The following JAK3 variants were observed in gnomAD, a reference collection of about 807,000 sequenced individuals.
The protein encoded by JAK3 is tyrosine-protein kinase JAK3.
In JAK3, 88 loss-of-function variants were observed where a neutral mutation model predicts 120.8. That is an observed-to-expected ratio of 0.73 (90% CI 0.61 to 0.87). The LOEUF is 0.87. JAK3 is among the 40% of genes least tolerant of loss of function. JAK3 has a pLI of 0.00. For synonymous variants in JAK3, 592 were observed against 628.6 expected, an observed-to-expected ratio of 0.94 and a Z score of 0.87; for missense variants, 1,254 against 1,501.4, an observed-to-expected ratio of 0.84 and a Z score of 2.72.
chr19:17,843,215 T>C lies in JAK3; in HGVS notation c.421-43A>G. ...GGAGCATCAGCTGAGGCCACCCAAC[T>C]TCAAGCCCTGTTGTTAACCTGCAGA... On this transcript the variant is annotated intron_variant, in intron 4 of 23. Transcript: ENST00000458235. The surrounding 1 kb of genome is among the most constrained non-coding windows in gnomAD (Gnocchi z 5.4). The C allele has an allele frequency of 6.3e-7, 1 of 1,583,514 alleles. No homozygotes were observed. The highest frequency in any genetic ancestry group is 8.6e-7 in the Non-Finnish European group (1 of 1,166,728).
At position 17,834,928 on chromosome 19, in the gene JAK3, T is replaced by A. The variant is rs1391553011; in HGVS notation, c.2123A>T (p.Lys708Met). 1 of 1,614,040 alleles carries A rather than the reference T, an allele frequency of 6.2e-7. No individual in the cohort carries two copies. Residue 708 changes from lysine (K) to methionine (M), a missense_variant, in exon 16 of 24, where the codon AAG (lysine) becomes ATG (methionine). Physicochemically the swap from Lys to Met is moderately conservative, Grantham distance 95. Transcript: ENST00000458235. Reference protein sequence around the residue: ...EAQTLSLEADKWGFGATVWEV... With the variant: ...EAQTLSLEADMWGFGATVWEV... ...CCAGACCGTGGCGCCGAAGCCCCAC[T>A]TGTCAGCTTCCAAGCTAAGTGTCTG...
In JAK3 at chr19:17,826,904, C is replaced by G. The variant is rs752088869; in HGVS notation, c.3214G>C (p.Glu1072Gln). The G allele has an allele frequency of 1.2e-6, 2 of 1,609,648 alleles. No individual in the cohort carries two copies. The highest frequency in any genetic ancestry group is 2.2e-5 in the East Asian group (1 of 44,866). The part of the protein sequence containing the change: ...APPACPAEVH[E>Q]LMKLCWAPSP... The stretch of plus-strand genomic sequence containing the variant: ...GGGGCCCAGCACAGCTTCATGAGCT[C>G]GTGAACCTGAGGGGCGGGGGACAGA... Residue 1072 changes from glutamate to glutamine, a missense_variant, in exon 24 of 24, where the codon GAG (glutamate) becomes CAG (glutamine). Physicochemically the swap from Glu to Gln is conservative, Grantham distance 29. Around this residue, in one of 3 missense-constraint regions of JAK3, gnomAD observed 630 missense variants for 819.8 expected, o/e 0.77. Transcript: ENST00000458235.
At chr19:17,847,888 G>A (rs2147705723) in intron 1 of JAK3, 58 bp downstream of exon 1, 1 of 342,794 alleles carries the variant, frequency 2.9e-6, no homozygotes, top group Non-Finnish European at 4.2e-6. Context: ...GCCATCCCCC[G>A]CCACCACCAT....
intron 23 of JAK3, 111 bp from the exon 24 acceptor site, chr19:17,827,021 C>T (rs2094205187): frequency 1.6e-6 from 2 of 1,259,400 alleles, no homozygotes; most frequent in South Asian, 1.4e-5. Flanking sequence ...GCTCTGTTGT[C>T]CAGGCTGGAG....
In JAK3 at chr19:17,842,112, G is replaced by A. The variant is rs1332381810; in HGVS notation, c.861+204C>T. On this transcript the variant is annotated intron_variant, in intron 6 of 23. Coordinates refer to ENST00000458235, the MANE Select transcript of JAK3 (RefSeq NM_000215.4). The surrounding 1 kb of genome is among the most constrained non-coding windows in gnomAD (Gnocchi z 6.4). Reference sequence around the variant, plus strand: ...CTCAACCCCTCCCATTTTCATTCCCGGGTCGCTCAGCCCAACCCTTCACTC... The same window carrying A: ...CTCAACCCCTCCCATTTTCATTCCCAGGTCGCTCAGCCCAACCCTTCACTC... Among the ~76,000 whole-genome samples the A allele has an allele frequency of 7.7e-6, 1 of 129,906 alleles. No individual in the cohort carries two copies. The highest frequency in any genetic ancestry group is 2.9e-5 in the African/African-American group (1 of 33,946). The allele number at this position is 129,906 out of a possible 152,430, so 85.2% of individuals were successfully genotyped here.
At position 17,826,664 on chromosome 19, in the gene JAK3, G is replaced by A. The variant is rs1053796730; in HGVS notation, c.*79C>T. On this transcript the variant is annotated 3_prime_UTR_variant, in exon 24 of 24. Coordinates refer to ENST00000458235, the MANE Select transcript of JAK3 (RefSeq NM_000215.4). ...AGAGGACCCTCATAAGGCCTCTGAG[G>A]CCCAGAGAGGGGCAGCTCCGGGCCT... The A allele has an allele frequency of 1.3e-6, 2 of 1,518,262 alleles. No individual in the cohort carries two copies. Among genetic ancestry groups the A allele is most frequent in the Non-Finnish European group, 1.8e-6 (2 of 1,093,152 alleles). The allele number at this position is 1,518,262 out of a possible 1,614,324, so 94.0% of individuals were successfully genotyped here.
Position 17,832,922 on chromosome 19 carries a change from C to T in JAK3, c.2358G>A (p.Glu786=), listed in dbSNP as rs1057518544. The change falls in exon 18 of 24, where the codon GAG becomes GAA. Residue 786 remains glutamate (E), a synonymous_variant. Coordinates refer to ENST00000458235, the MANE Select transcript of JAK3 (RefSeq NM_000215.4). The surrounding 1 kb of genome is among the most constrained non-coding windows in gnomAD (Gnocchi z 4.7). ...CACCAGGTGTGGGGTCTGAGAGGAG[C>T]TCATAGTCTGGGGTGGGGGCATGGG... ...DLNSLISSDY[E]LLSDPTPGAL... 5.0e-6 allele frequency: 8 copies of T among 1,613,554 alleles called. No homozygotes were observed. The highest frequency in any genetic ancestry group is 5.9e-6 in the Non-Finnish European group (7 of 1,179,822).
chr19:17,829,429 G>A (rs2094209728), intron 23 of JAK3, among the ~76,000 whole-genome samples: 1 of 152,024 alleles, frequency 6.6e-6, no homozygotes, highest in South Asian at 2.1e-4. Context: ...AAAGTGCTGG[G>A]TTTACAGGTG....
chr19:17,843,400 G>C lies in JAK3; in HGVS notation c.400C>G (p.Leu134Val). ...LASAILDLPV[L>V]EHLFAQHRSD... ...CCCACCTGGGCAAAGAGGTGCTCCA[G>C]GACTGGCAGGTCAAGGATAGCACTG... Residue 134 changes from leucine (L) to valine (V), a missense_variant, in exon 4 of 24, where the codon CTG becomes GTG. Around this residue, in one of 3 missense-constraint regions of JAK3, gnomAD observed 138 missense variants for 178.7 expected, o/e 0.77. Transcript: ENST00000458235. The surrounding 1 kb of genome is among the most constrained non-coding windows in gnomAD (Gnocchi z 5.4). 6.3e-7 allele frequency: 1 copy of C among 1,594,838 alleles called. No individual in the cohort carries two copies. The highest frequency in any genetic ancestry group is 8.5e-7 in the Non-Finnish European group (1 of 1,171,132).
chr19:17,826,742 G>T lies in JAK3; in HGVS notation c.*1C>A. 1 of 1,614,022 alleles carries T rather than the reference G, an allele frequency of 6.2e-7. No individual in the cohort carries two copies. Among genetic ancestry groups the T allele is most frequent in the Non-Finnish European group, 8.5e-7 (1 of 1,179,900 alleles). On this transcript the variant is annotated 3_prime_UTR_variant, in exon 24 of 24. Coordinates refer to ENST00000458235, the MANE Select transcript of JAK3 (RefSeq NM_000215.4). Reference sequence around the variant, plus strand: ...CTAATCCAGAGGTCTGCGGGCAGGAGCTATGAAAAGGACAGGGAGTGGTGT... The same window carrying T: ...CTAATCCAGAGGTCTGCGGGCAGGATCTATGAAAAGGACAGGGAGTGGTGT...
At chr19:17,830,735 C>A in intron 21 of JAK3, 115 bp from the exon 22 acceptor site, 1 of 801,022 alleles carries the variant, frequency 1.2e-6, no homozygotes, top group African/African-American at 1.7e-5. Context: ...AGGTCAGTCC[C>A]GTCTCCAGGG....
At position 17,842,105 on chromosome 19, in the gene JAK3, C is replaced by G. The variant is rs2094240808; in HGVS notation, c.861+211G>C. 6.8e-6 allele frequency among the ~76,000 whole-genome samples: 1 copy of G among 147,584 alleles called. No individual in the cohort carries two copies. The highest frequency in any genetic ancestry group is 1.5e-5 in the Non-Finnish European group (1 of 66,994). On this transcript the variant is annotated intron_variant, in intron 6 of 23. Transcript: ENST00000458235. The surrounding 1 kb of genome is among the most constrained non-coding windows in gnomAD (Gnocchi z 6.4). ...CCCACTCCTCAACCCCTCCCATTTT[C>G]ATTCCCGGGTCGCTCAGCCCAACCC...
rs1217168188 is a variant in JAK3, at chr19:17,826,758, G to A, written c.3360C>T (p.Ser1120=). The A allele has an allele frequency of 6.2e-7, 1 of 1,614,096 alleles. No homozygotes were observed. The highest frequency in any genetic ancestry group is 1.7e-5 in the Admixed American group (1 of 60,024). ...CGGGCAGGAGCTATGAAAAGGACAG[G>A]GAGTGGTGTTTGCCCTCTGGGTGAG... The part of the protein sequence containing the change: ...FTAHPEGKHH[S]LSFS Residue 1120 remains serine (S), a synonymous_variant, in exon 24 of 24, where the codon TCC becomes TCT. Coordinates refer to ENST00000458235, the MANE Select transcript of JAK3 (RefSeq NM_000215.4).
rs376945173 is a variant in JAK3, at chr19:17,832,590, C to T, written c.2609G>A (p.Arg870Gln). The T allele has an allele frequency of 2.0e-5, 33 of 1,614,220 alleles. No individual in the cohort carries two copies. In the East Asian group the frequency reaches 3.3e-4, roughly 16 times the overall value. Residue 870 changes from arginine to glutamine, a missense_variant, in exon 19 of 24, where the codon CGG becomes CAG. Arg to Gln is a conservative substitution (Grantham distance 43). Around this residue, in one of 3 missense-constraint regions of JAK3, gnomAD observed 630 missense variants for 819.8 expected, o/e 0.77. Coordinates refer to ENST00000458235, the MANE Select transcript of JAK3 (RefSeq NM_000215.4). This position sits in a 1 kb window ranked among gnomAD's most constrained non-coding sequence, Gnocchi z 4.7. ...SGPDQQRDFQ[R>Q]EIQILKALHS... The stretch of plus-strand genomic sequence containing the variant: ...CAGTGCTTTGAGGATCTGAATCTCC[C>T]GCTGAAAGTCCCTCTGCTGGTCTGG...
At chr19:17,829,129 T>TA (rs1353608923) in intron 23 of JAK3, among the ~76,000 whole-genome samples, 1 of 151,834 alleles carries the variant, frequency 6.6e-6, no homozygotes, top group African/African-American at 2.4e-5. Context: ...CCTTGTCTCT[T>TA]AAAAAAATTA....
rs1337463903 is a variant in JAK3 at position 17,838,049 on chromosome 19, G to C, written c.1584C>G (p.Gly528=). 1 of 1,614,126 alleles carries C rather than the reference G, an allele frequency of 6.2e-7. No individual in the cohort carries two copies. The highest frequency in any genetic ancestry group is 8.5e-7 in the Non-Finnish European group (1 of 1,180,028). ...GGTAAATCTTGGTGAAGGACCCATG[G>C]CCCAGGTTCTCATGCTGAATGGTGA... ...ADSLEWHENL[G]HGSFTKIYRG... is the part of the protein sequence containing the mutation. The change falls in exon 12 of 24, where the codon GGC becomes GGG. Residue 528 remains glycine (G), a synonymous_variant. Transcript: ENST00000458235.
chr19:17,834,252 C>T (rs756445812), intron 17 of JAK3, among the ~76,000 whole-genome samples: 3 of 152,012 alleles, frequency 2.0e-5, no homozygotes, highest in Non-Finnish European at 4.4e-5. Flanking sequence ...GAGGCTGAGG[C>T]AGGAGAATCG....
chr19:17,826,648 T>C lies in JAK3; in HGVS notation c.*95A>G. The C allele has an allele frequency of 4.4e-6, 6 of 1,371,230 alleles. No individual in the cohort carries two copies. The highest frequency in any genetic ancestry group is 6.3e-6 in the Non-Finnish European group (6 of 959,440). 84.9% of individuals were successfully genotyped at this position (1,371,230 alleles called of 1,614,324 possible). A position where few individuals can be genotyped will look rare whatever the true frequency, so the allele number is the denominator to read the frequency against. ...GGGGTGTTCCTGAAGTAGAGGACCC[T>C]CATAAGGCCTCTGAGGCCCAGAGAG... On this transcript the variant is annotated 3_prime_UTR_variant, in exon 24 of 24. Coordinates refer to ENST00000458235, the MANE Select transcript of JAK3 (RefSeq NM_000215.4).
rs201392387 is a variant in JAK3 at position 17,841,550 on chromosome 19, C to G, written c.985-4G>C. The G allele has an allele frequency of 1.3e-6, 2 of 1,595,952 alleles. No homozygotes were observed. The highest frequency in any genetic ancestry group is 4.6e-5 in the East Asian group (2 of 43,912). ...GCAGCCCTGGGAACTCGGCCTCCTG[C>G]GAGGGACAAGCGTCAGAGCCCAGTG... On this transcript the variant is annotated splice_region_variant and splice_polypyrimidine_tract_variant and intron_variant, in intron 7 of 23. Coordinates refer to ENST00000458235, the MANE Select transcript of JAK3 (RefSeq NM_000215.4). This position sits in a 1 kb window ranked among gnomAD's most constrained non-coding sequence, Gnocchi z 4.1.
Sources: gnomAD v4.1 joint callset for allele counts (sites outside exome capture counted in the v4.1 genomes callset) on GRCh38, gnomAD v4.1.1 for gene constraint, gnomAD v4.1.1 regional missense constraint, Gnocchi (gnomAD v3.1) non-coding constraint, MANE v1.5 for transcripts, NCBI Gene and HGNC (gene_info 2026-07-23, HGNC 2026-07-21) for gene names.